The following IP6K3 variants were observed in gnomAD, a reference collection of about 807,000 sequenced individuals.
IP6K3 encodes inositol hexakisphosphate kinase 3.
A neutral mutation model predicts 28.8 loss-of-function variants in IP6K3; 20 were observed. The ratio of observed to expected loss-of-function variants is 0.70; its 90% CI spans 0.49 to 1.01. IP6K3 has a LOEUF of 1.01. IP6K3 is among the 50% of genes least tolerant of loss of function. The pLI is 0.00. For synonymous variants in IP6K3, 213 were observed against 221.3 expected (o/e 0.96, Z 0.33); for missense variants, 480 against 537.1 (o/e 0.89, Z 1.05).
the IP6K3 span, among the ~76,000 whole-genome samples, chr6:33,757,986 G>A: frequency 6.6e-6 from 1 of 152,230 alleles, no homozygotes; most frequent in Non-Finnish European, 1.5e-5. Flanking sequence ...AATGAGGACA[G>A]AAGCCAAGAA....
At chr6:33,755,741 A>G in the IP6K3 span, among the ~76,000 whole-genome samples, 1 of 152,236 alleles carries the variant, frequency 6.6e-6, no homozygotes, top group African/African-American at 2.4e-5. Flanking sequence ...TTCCGCACGC[A>G]TGGCTGCACT....
At chr6:33,732,874 C>T (rs1229194479) in intron 2 of IP6K3, among the ~76,000 whole-genome samples, 1 of 152,254 alleles carries the variant, frequency 6.6e-6, no homozygotes, top group East Asian at 1.9e-4. Flanking sequence ...ACGAGCAGAC[C>T]TCAGCCACCT....
rs566639846 is a variant in IP6K3 at position 33,740,702 on chromosome 6, C to T, written c.-179-5047G>A. ...ATAAGGGCATCATAACTTGTCACAA[C>T]CCGTCGGCACATTTTTATTTCCGGA... is the stretch of plus-strand genomic sequence containing the variant. On this transcript the variant is annotated intron_variant, in intron 1 of 5. Transcript: ENST00000293756. Among the ~76,000 whole-genome samples the T allele has an allele frequency of 7.9e-5, 12 of 152,372 alleles. No homozygotes were observed. The South Asian group carries it at 2.5e-3, about 32-fold the overall frequency.
At chr6:33,758,484 C>G in the IP6K3 span, among the ~76,000 whole-genome samples, 1 of 152,164 alleles carries the variant, frequency 6.6e-6, no homozygotes, top group African/African-American at 2.4e-5. Flanking sequence ...CATGATGGCA[C>G]CACTGCACTC....
intron 1 of IP6K3, among the ~76,000 whole-genome samples, chr6:33,739,586 T>G (rs1444028238): frequency 1.3e-5 from 2 of 152,222 alleles, no homozygotes; most frequent in Non-Finnish European, 1.5e-5. Context: ...TTTCTGCCTT[T>G]GTGTGTGGCC....
intron 2 of IP6K3, among the ~76,000 whole-genome samples, chr6:33,732,225 G>A (rs77932159): frequency 0.096 from 14,631 of 152,222 alleles, 1,339 homozygotes; most frequent in African/African-American, 0.24. Flanking sequence ...AAGGTCCCAG[G>A]CGAACTCTGA....
chr6:33,748,642 C>CAAAAA (rs35735336), upstream of IP6K3, among the ~76,000 whole-genome samples: 22 of 38,364 alleles, frequency 5.7e-4, no homozygotes, highest in African/African-American at 1.6e-3. Context: ...ACCCTGTCTC[C>CAAAAA]AAAAAAAAAA....
chr6:33,739,905 C>T (rs1159042568), intron 1 of IP6K3, among the ~76,000 whole-genome samples: 2 of 152,212 alleles, frequency 1.3e-5, no homozygotes, highest in African/African-American at 4.8e-5. Flanking sequence ...CTGCCACAGC[C>T]TTGTCATGAT....
chr6:33,758,308 A>C, the IP6K3 span, among the ~76,000 whole-genome samples: 5 of 152,166 alleles, frequency 3.3e-5, no homozygotes, highest in Admixed American at 3.3e-4. Context: ...TGAGCCCAGG[A>C]GTTTGAGACC....
intron 5 of IP6K3, among the ~76,000 whole-genome samples, chr6:33,724,380 G>A (rs996296579): frequency 5.3e-5 from 8 of 152,148 alleles, no homozygotes; most frequent in Admixed American, 1.3e-4. Context: ...AAGGGGTGGC[G>A]GTTTCAATTA....
intron 1 of IP6K3, among the ~76,000 whole-genome samples, chr6:33,745,875 A>G (rs1766888917): frequency 1.3e-5 from 2 of 152,204 alleles, no homozygotes; most frequent in African/African-American, 4.8e-5. Context: ...CCACTGCTGA[A>G]ATCAGGCGCA....
At chr6:33,761,471 G>C in the IP6K3 span, among the ~76,000 whole-genome samples, 1 of 152,144 alleles carries the variant, frequency 6.6e-6, no homozygotes, top group African/African-American at 2.4e-5. Flanking sequence ...GTGAGACAGT[G>C]CCAGCTCTTA....
rs376468051 is a variant in IP6K3, at chr6:33,726,787, C to G, written c.533G>C (p.Cys178Ser). 105 of 1,611,194 alleles carry G rather than the reference C, an allele frequency of 6.5e-5. No homozygotes were observed. Among genetic ancestry groups the G allele is most frequent in the Admixed American group, 8.4e-5 (5 of 59,868 alleles). Residue 178 changes from cysteine (C) to serine (S), a missense_variant, in exon 4 of 6, where the codon TGC becomes TCC. Coordinates refer to ENST00000293756, the MANE Select transcript of IP6K3 (RefSeq NM_054111.5). ...CAGGCGGGTCAGGTGGGCCTGGTGG[C>G]ATTGCAGGCCCCACGGGTTGAAGCT... ...RKSFNPWGLQ[C>S]HQAHLTRLCS...
At chr6:33,754,614 T>C in the IP6K3 span, among the ~76,000 whole-genome samples, 1 of 152,142 alleles carries the variant, frequency 6.6e-6, no homozygotes, top group Non-Finnish European at 1.5e-5. Context: ...CACTGTCCCC[T>C]GGCAGCTGGC....
chr6:33,735,769 C>T (rs926934853), intron 1 of IP6K3, 114 bp from the exon 2 acceptor site: 2 of 498,648 alleles, frequency 4.0e-6, no homozygotes, highest in Non-Finnish European at 7.1e-6. Flanking sequence ...CTCACTGGTA[C>T]CTTAAACAGG....
chr6:33,736,040 A>AT (rs1485094741), intron 1 of IP6K3, among the ~76,000 whole-genome samples: 1 of 151,856 alleles, frequency 6.6e-6, no homozygotes, highest in Non-Finnish European at 1.5e-5. Context: ...CTAATTTTAT[A>AT]TTTTTTGTAG....
intron 1 of IP6K3, among the ~76,000 whole-genome samples, chr6:33,740,022 G>A (rs1184998045): frequency 6.6e-6 from 1 of 152,214 alleles, no homozygotes; most frequent in African/African-American, 2.4e-5. Flanking sequence ...CGACTTCCAT[G>A]AGTCAACTTG....
intron 2 of IP6K3, among the ~76,000 whole-genome samples, chr6:33,735,068 A>C (rs761304607): frequency 1.1e-4 from 16 of 152,206 alleles, no homozygotes; most frequent in Non-Finnish European, 2.4e-4. Flanking sequence ...CTAATTTATA[A>C]GGAAACCAAA....
In IP6K3 at chr6:33,741,915, C is replaced by T. The variant is rs1766739972; in HGVS notation, c.-180+4843G>A. Among the ~76,000 whole-genome samples the T allele has an allele frequency of 2.0e-5, 3 of 151,808 alleles. No homozygotes were observed. The South Asian group carries it at 6.2e-4, about 32-fold the overall frequency. On this transcript the variant is annotated intron_variant, in intron 1 of 5. Transcript: ENST00000293756. Reference sequence around the variant, plus strand: ...GCGGTGAGCCAAGATCGTGCCATTGCACTCCAGCCTGGGCAACAACAGCAA... The same window carrying T: ...GCGGTGAGCCAAGATCGTGCCATTGTACTCCAGCCTGGGCAACAACAGCAA...
Sources: allele counts gnomAD v4.1 joint callset (sites outside exome capture counted in the v4.1 genomes callset), GRCh38; gene constraint gnomAD v4.1.1; transcripts MANE v1.5; gene names NCBI Gene and HGNC (gene_info 2026-07-23, HGNC 2026-07-21).